The following RFX6 variants were observed in gnomAD, a reference collection of about 807,000 sequenced individuals.
The protein encoded by RFX6 is DNA-binding protein RFX6.
In RFX6, 50 loss-of-function variants were observed where a neutral mutation model predicts 110.8. That is an observed-to-expected ratio of 0.45 (90% CI 0.36 to 0.57). The LOEUF (loss-of-function observed/expected upper bound fraction) is 0.57. Among genes scored for constraint, RFX6 ranks in the 20% least tolerant of loss-of-function variants. The pLI, the probability that RFX6 is intolerant of heterozygous loss-of-function variation, is 0.00. For missense variants in RFX6, 990 were observed against 1,127.0 expected (o/e 0.88, Z 1.74); for synonymous variants, 383 against 411.2 (o/e 0.93, Z 0.83).
At chr6:116,879,731 G>A (rs1469391954) in intron 2 of RFX6, among the ~76,000 whole-genome samples, 1 of 151,822 alleles carries the variant, frequency 6.6e-6, no homozygotes, top group Non-Finnish European at 1.5e-5. Context: ...TAGGAAAACT[G>A]GGATTGGAAT....
At chr6:116,926,419 G>A (rs572200011) in intron 16 of RFX6, among the ~76,000 whole-genome samples, 1 of 152,206 alleles carries the variant, frequency 6.6e-6, no homozygotes, top group South Asian at 2.1e-4. Context: ...TAGCTACTCG[G>A]GAATATTTTA....
At chr6:116,887,375 T>A (rs1774721369) in intron 4 of RFX6, among the ~76,000 whole-genome samples, 1 of 152,160 alleles carries the variant, frequency 6.6e-6, no homozygotes, top group Non-Finnish European at 1.5e-5. Flanking sequence ...CTCTATCCAG[T>A]TCCTTCACGC....
intron 7 of RFX6, among the ~76,000 whole-genome samples, chr6:116,915,273 G>A (rs1302435551): frequency 6.6e-6 from 1 of 152,020 alleles, no homozygotes; most frequent in Non-Finnish European, 1.5e-5. Context: ...TTCAATGTTT[G>A]AAACTTTTTT....
At chr6:116,892,211 C>T (rs1774846225) in intron 4 of RFX6, among the ~76,000 whole-genome samples, 1 of 152,168 alleles carries the variant, frequency 6.6e-6, no homozygotes, top group Admixed American at 6.5e-5. Flanking sequence ...GACCTTGAAT[C>T]AGTAGAGGCA....
At chr6:116,893,272 G>T (rs566845313) in intron 4 of RFX6, among the ~76,000 whole-genome samples, 5 of 152,278 alleles carry the variant, frequency 3.3e-5, no homozygotes, top group African/African-American at 1.2e-4. Flanking sequence ...TGTAGTGTTT[G>T]TATATGGGTG....
At chr6:116,906,966 TCA>T (rs1460818526) in intron 6 of RFX6, among the ~76,000 whole-genome samples, 1 of 152,030 alleles carries the variant, frequency 6.6e-6, no homozygotes, top group Non-Finnish European at 1.5e-5. Flanking sequence ...GGAAAAGCTT[TCA>T]GTCTTTCACC....
intron 6 of RFX6, among the ~76,000 whole-genome samples, chr6:116,908,904 GTCTT>G (rs1775272659): frequency 2.0e-5 from 3 of 152,064 alleles, no homozygotes; most frequent in Non-Finnish European, 2.9e-5. Context: ...GTTTAATACT[GTCTT>G]TAGTAATAAG....
Position 116,923,212 on chromosome 6 carries a change from G to T in RFX6, c.1543G>T (p.Ala515Ser). Reference protein sequence around the residue: ...RVMHNLTLNNASSFGSFHLIR... With the variant: ...RVMHNLTLNNSSSFGSFHLIR... Reference sequence around the variant, plus strand: ...AATGCATAATCTCACCTTGAACAATGCATCCAGTTTTGGTAACATACGTGC... The same window carrying T: ...AATGCATAATCTCACCTTGAACAATTCATCCAGTTTTGGTAACATACGTGC... The change falls in exon 14 of 19, where the codon GCA (alanine) becomes TCA (serine). Residue 515 changes from alanine to serine, a missense_variant. Physicochemically the swap from Ala to Ser is moderately conservative, Grantham distance 99 (BLOSUM62 1). Around this residue, in one of 5 missense-constraint regions of RFX6, gnomAD observed 89 missense variants for 140.3 expected, o/e 0.63. Coordinates refer to ENST00000332958, the MANE Select transcript of RFX6 (RefSeq NM_173560.4). The T allele has an allele frequency of 6.7e-7, 1 of 1,493,230 alleles. No individual in the cohort carries two copies. Among genetic ancestry groups the T allele is most frequent in the Non-Finnish European group, 9.3e-7 (1 of 1,070,906 alleles). 92.5% of individuals were successfully genotyped at this position (1,493,230 alleles called of 1,614,324 possible). A position where few individuals can be genotyped will look rare whatever the true frequency, so the allele number is the denominator to read the frequency against.
chr6:116,880,654 C>T lies in RFX6; in HGVS notation c.491C>T (p.Ala164Val). The change falls in exon 3 of 19, where the codon GCC becomes GTC. Residue 164 changes from alanine (A) to valine (V), a missense_variant. Ala to Val is a moderately conservative substitution (Grantham distance 64, BLOSUM62 0). Around this residue, in one of 5 missense-constraint regions of RFX6, gnomAD observed 243 missense variants for 353.1 expected, o/e 0.69. Coordinates refer to ENST00000332958, the MANE Select transcript of RFX6 (RefSeq NM_173560.4). Reference protein sequence around the residue: ...RKEKLEPACAATFGKTIRQKF... With the variant: ...RKEKLEPACAVTFGKTIRQKF... ...GAGAAATTAGAGCCAGCCTGTGCGG[C>T]CACCTTTGGAAAGGTAAATGACACG... is the stretch of plus-strand genomic sequence containing the variant. 6.2e-7 allele frequency: 1 copy of T among 1,613,418 alleles called. No homozygotes were observed.
chr6:116,898,539 A>G (rs1354100132), intron 6 of RFX6, among the ~76,000 whole-genome samples: 2 of 152,126 alleles, frequency 1.3e-5, no homozygotes, highest in African/African-American at 2.4e-5. Flanking sequence ...ACTAATGTCT[A>G]ATGCTAATAA....
chr6:116,931,368 C>A lies in RFX6; in HGVS notation c.2649C>A (p.Ser883=). 1 of 1,613,142 alleles carries A rather than the reference C, an allele frequency of 6.2e-7. No homozygotes were observed. The highest frequency in any genetic ancestry group is 8.5e-7 in the Non-Finnish European group (1 of 1,179,182). The part of the protein sequence containing the change: ...SLQTPIPSSS[S]QCMYGTSNQY... ...AAACCCCAATTCCTTCTTCCTCATC[C>A]CAATGTATGTATGGAACTTCCAACC... Residue 883 remains serine, a synonymous_variant, in exon 19 of 19, where the codon TCC becomes TCA. Transcript: ENST00000332958.
intron 6 of RFX6, among the ~76,000 whole-genome samples, chr6:116,900,664 A>G (rs1471937949): frequency 1.3e-5 from 2 of 152,170 alleles, no homozygotes; most frequent in African/African-American, 4.8e-5. Flanking sequence ...TTTCATAGTG[A>G]AATAAAATAG....
At chr6:116,913,413 G>A (rs1775397609) in intron 7 of RFX6, among the ~76,000 whole-genome samples, 2 of 152,154 alleles carry the variant, frequency 1.3e-5, no homozygotes, top group African/African-American at 4.8e-5. Context: ...GTGAAAAGCT[G>A]ACCCCAGTGA....
chr6:116,922,017 T>TC (rs777203098), intron 12 of RFX6, 25 bp from the exon 13 acceptor site: 9 of 1,064,222 alleles, frequency 8.5e-6, no homozygotes, highest in Non-Finnish European at 1.3e-5. Flanking sequence ...TTCTTTTCTT[T>TC]CTTTTTTTTT....
chr6:116,931,167 A>T (rs1775875799), intron 18 of RFX6, among the ~76,000 whole-genome samples, 164 bp from the exon 19 acceptor site: 1 of 152,192 alleles, frequency 6.6e-6, no homozygotes. Flanking sequence ...GTGGGAACAA[A>T]TGGAAGAAAA....
chr6:116,904,768 T>A (rs1775157105), intron 6 of RFX6, among the ~76,000 whole-genome samples: 1 of 152,232 alleles, frequency 6.6e-6, no homozygotes, highest in African/African-American at 2.4e-5. Context: ...CCATACAGTA[T>A]TTGTCTTCTG....
intron 4 of RFX6, among the ~76,000 whole-genome samples, chr6:116,885,380 A>G (rs1774679216): frequency 6.6e-6 from 1 of 152,212 alleles, no homozygotes; most frequent in South Asian, 2.1e-4. Context: ...ATGACTCAAT[A>G]TAAAATATCT....
At chr6:116,881,368 C>T (rs540342739) in intron 3 of RFX6, among the ~76,000 whole-genome samples, 1 of 152,120 alleles carries the variant, frequency 6.6e-6, no homozygotes, top group South Asian at 2.1e-4. Context: ...GCTTGGGTCT[C>T]AAATATTGTA....
At chr6:116,920,801 C>T (rs899480293) in intron 12 of RFX6, among the ~76,000 whole-genome samples, 51 of 152,096 alleles carry the variant, frequency 3.4e-4, no homozygotes, top group Non-Finnish European at 8.8e-5. Context: ...TAAAAGTCAT[C>T]TGTAATTTCA....
Sources: gnomAD v4.1 joint callset for allele counts (sites outside exome capture counted in the v4.1 genomes callset) on GRCh38, gnomAD v4.1.1 for gene constraint, gnomAD v4.1.1 regional missense constraint, MANE v1.5 for transcripts, NCBI Gene and HGNC (gene_info 2026-07-23, HGNC 2026-07-21) for gene names.